The following SCAF8 variants were observed in gnomAD, a reference collection of about 807,000 sequenced individuals.
SCAF8 encodes SR-related CTD associated factor 8, also known as SR-related and CTD-associated factor 8.
SCAF8 carries 23 observed loss-of-function variants against 140.5 expected under a neutral mutation model. That is an observed-to-expected ratio of 0.16 (90% CI 0.12 to 0.23). The LOEUF is 0.23. Among genes scored for constraint, SCAF8 ranks in the 10% least tolerant of loss-of-function variants. The pLI is 1.00. For synonymous variants in SCAF8, 575 were observed against 528.9 expected (o/e 1.09, Z -1.20); for missense variants, 1,397 against 1,555.7 (o/e 0.90, Z 1.72).
chr6:154,748,265 T>A (rs1284624025), intron 1 of SCAF8, among the ~76,000 whole-genome samples: 1 of 152,194 alleles, frequency 6.6e-6, no homozygotes, highest in Non-Finnish European at 1.5e-5. Context: ...ATGGAACTTT[T>A]AAAAAATATT....
chr6:154,762,515 A>G (rs1384220123), intron 1 of SCAF8, among the ~76,000 whole-genome samples: 1 of 152,026 alleles, frequency 6.6e-6, no homozygotes, highest in Non-Finnish European at 1.5e-5. Flanking sequence ...CACCATATTC[A>G]TAGGTCCCAC....
chr6:154,778,849 T>C (rs1776995592), intron 3 of SCAF8, among the ~76,000 whole-genome samples: 1 of 151,654 alleles, frequency 6.6e-6, no homozygotes, highest in African/African-American at 2.4e-5. Flanking sequence ...TTTAGGTAAC[T>C]TGAAGCTAAG....
intron 1 of SCAF8, among the ~76,000 whole-genome samples, chr6:154,748,264 T>A (rs1405068306): frequency 3.9e-5 from 6 of 152,178 alleles, no homozygotes; most frequent in Admixed American, 6.6e-5. Context: ...TATGGAACTT[T>A]TAAAAAATAT....
Position 154,820,341 on chromosome 6 carries a change from T to A in SCAF8, c.1792+8T>A. ...AGGAGACTGTAAATACTGGTAAGAATTCTAAGGTCTTTTTATTGTTAAAAA... is the reference window on the plus strand; with the variant it reads ...AGGAGACTGTAAATACTGGTAAGAAATCTAAGGTCTTTTTATTGTTAAAAA... On this transcript the variant is annotated splice_region_variant and intron_variant, in intron 15 of 19. Transcript: ENST00000367178. 6.3e-7 allele frequency: 1 copy of A among 1,595,782 alleles called. No individual in the cohort carries two copies. The highest frequency in any genetic ancestry group is 8.5e-7 in the Non-Finnish European group (1 of 1,174,032).
At chr6:154,809,238 T>C (rs1778014700) in intron 11 of SCAF8, among the ~76,000 whole-genome samples, 1 of 152,152 alleles carries the variant, frequency 6.6e-6, no homozygotes, top group Admixed American at 6.5e-5. Context: ...CAGTTTTCTT[T>C]ATGAGCTTAA....
chr6:154,743,906 G>A (rs1778632767), intron 1 of SCAF8, among the ~76,000 whole-genome samples: 1 of 152,072 alleles, frequency 6.6e-6, no homozygotes, highest in Admixed American at 6.5e-5. Context: ...ACATGATGTA[G>A]CAAATGTCTA....
intron 11 of SCAF8, among the ~76,000 whole-genome samples, chr6:154,809,344 C>G (rs557479018): frequency 6.6e-6 from 1 of 152,006 alleles, no homozygotes; most frequent in Non-Finnish European, 1.5e-5. Context: ...AGGGGCAGTA[C>G]GTTTGATGAG....
At chr6:154,734,034 GT>G in intron 1 of SCAF8, 104 bp downstream of exon 1, 2 of 1,412,432 alleles carry the variant, frequency 1.4e-6, no homozygotes, top group African/African-American at 3.0e-5. Flanking sequence ...TTTTTTAAGG[GT>G]GGGGTGAGCG....
intron 1 of SCAF8, among the ~76,000 whole-genome samples, chr6:154,739,282 GC>G (rs1393724774): frequency 1.3e-5 from 2 of 152,060 alleles, no homozygotes; most frequent in Admixed American, 6.5e-5. Flanking sequence ...GTGGGCCACT[GC>G]CCCTGGCCAG....
intron 11 of SCAF8, 21 bp downstream of exon 11, chr6:154,808,819 A>G (rs2114645905): frequency 1.3e-6 from 2 of 1,481,722 alleles, no homozygotes; most frequent in South Asian, 2.3e-5. Flanking sequence ...GATATTTAAT[A>G]ATAGCCGTGT....
Position 154,733,914 on chromosome 6 carries a change from A to C in SCAF8, c.14A>C (p.Lys5Thr). 6.5e-7 allele frequency: 1 copy of C among 1,540,816 alleles called. No individual in the cohort carries two copies. Among genetic ancestry groups the C allele is most frequent in the Non-Finnish European group, 8.7e-7 (1 of 1,149,836 alleles). The change falls in exon 1 of 20, where the codon AAG becomes ACG. Residue 5 changes from lysine to threonine, a missense_variant. Coordinates refer to ENST00000367178, the MANE Select transcript of SCAF8 (RefSeq NM_014892.5). Reference protein sequence around the residue: MEAVKTFNSELYSLN... With the variant: MEAVTTFNSELYSLN... Reference sequence around the variant, plus strand: ...CGCAGCGACAACATGGAGGCCGTGAAGACCTTCAATAGCGAGGTTGGTATG... The same window carrying C: ...CGCAGCGACAACATGGAGGCCGTGACGACCTTCAATAGCGAGGTTGGTATG...
At chr6:154,762,139 C>G (rs1180660024) in intron 1 of SCAF8, among the ~76,000 whole-genome samples, 1 of 152,190 alleles carries the variant, frequency 6.6e-6, no homozygotes, top group Admixed American at 6.5e-5. Flanking sequence ...TATTAGTTTT[C>G]TATTGCTGTG....
intron 3 of SCAF8, among the ~76,000 whole-genome samples, chr6:154,785,025 G>T (rs1161806549): frequency 2.0e-5 from 3 of 152,146 alleles, no homozygotes; most frequent in East Asian, 3.8e-4. Context: ...GTCCTTGCTT[G>T]ACATTATAGT....
chr6:154,805,633 T>C, intron 9 of SCAF8, 147 bp downstream of exon 9: 1 of 425,590 alleles, frequency 2.3e-6, no homozygotes, highest in East Asian at 3.5e-5. Context: ...ACTTTATTTC[T>C]TTCTAAAGTT....
chr6:154,744,079 G>A (rs1441343596), intron 1 of SCAF8, among the ~76,000 whole-genome samples: 2 of 152,178 alleles, frequency 1.3e-5, no homozygotes. Flanking sequence ...TGGATCACGA[G>A]GTCAGGAGTT....
intron 3 of SCAF8, among the ~76,000 whole-genome samples, chr6:154,778,791 G>A (rs1309250725): frequency 6.6e-6 from 1 of 151,586 alleles, no homozygotes; most frequent in African/African-American, 2.4e-5. Flanking sequence ...GTGTGTGTGT[G>A]TGTGTGTGTG....
chr6:154,784,120 G>GATATATATATATATATATAT lies in SCAF8; in HGVS notation c.160-3722_160-3703dup, dbSNP rs72135986. On this transcript the variant is annotated intron_variant, in intron 3 of 19. Coordinates refer to ENST00000367178, the MANE Select transcript of SCAF8 (RefSeq NM_014892.5). Reference sequence around the variant, plus strand: ...TATTTACTTATCTCTGGTGTCTTGAGATATATATATATATATATATATATA... The same window carrying GATATATATATATATATATAT: ...TATTTACTTATCTCTGGTGTCTTGAGATATATATATATATATATATATATATATATATATATATATATATA... 4.8e-4 allele frequency among the ~76,000 whole-genome samples: 51 copies of GATATATATATATATATATAT among 106,848 alleles called. 1 individual carries two copies. Among genetic ancestry groups the GATATATATATATATATATAT allele is most frequent in the African/African-American group, 1.2e-3 (36 of 31,130 alleles). 70.1% of individuals were successfully genotyped at this position (106,848 alleles called of 152,430 possible). A position where few individuals can be genotyped will look rare whatever the true frequency, so the allele number is the denominator to read the frequency against.
chr6:154,811,181 G>A (rs1012193980), intron 12 of SCAF8, among the ~76,000 whole-genome samples: 1 of 152,072 alleles, frequency 6.6e-6, no homozygotes, highest in Non-Finnish European at 1.5e-5. Context: ...TAGGGTGATG[G>A]TATACATCTA....
chr6:154,784,780 TCCC>T (rs2114865150), intron 3 of SCAF8, among the ~76,000 whole-genome samples: 1 of 152,310 alleles, frequency 6.6e-6, no homozygotes, highest in African/African-American at 2.4e-5. Context: ...TTGGAACGAA[TCCC>T]CCAAGGCTAC....
Sources: gnomAD v4.1 joint callset for allele counts (sites outside exome capture counted in the v4.1 genomes callset) on GRCh38, gnomAD v4.1.1 for gene constraint, MANE v1.5 for transcripts, NCBI Gene and HGNC (gene_info 2026-07-23, HGNC 2026-07-21) for gene names.